TET1: variants seen among roughly 807,000 people sequenced by gnomAD.
The protein encoded by TET1 is tet methylcytosine dioxygenase 1, also known as methylcytosine dioxygenase TET1.
Under a neutral mutation model 148.7 loss-of-function variants are expected in TET1, and 13 were observed. The ratio of observed to expected loss-of-function variants is 0.09; its 90% CI spans 0.06 to 0.14. The LOEUF (loss-of-function observed/expected upper bound fraction) is 0.14. TET1 is among the 10% of genes least tolerant of loss of function. The pLI is 1.00. For synonymous variants in TET1, 907 were observed against 937.2 expected (o/e 0.97, Z 0.59); for missense variants, 2,182 against 2,553.8 (o/e 0.85, Z 3.14).
chr10:68,629,064 A>G (rs537055283), intron 3 of TET1, among the ~76,000 whole-genome samples: 1 of 152,262 alleles, frequency 6.6e-6, no homozygotes, highest in South Asian at 2.1e-4. Flanking sequence ...TATTTTAGTC[A>G]CTAAAAATTT....
chr10:68,638,825 A>T (rs879621126), intron 3 of TET1, among the ~76,000 whole-genome samples: 1 of 149,466 alleles, frequency 6.7e-6, no homozygotes, highest in Non-Finnish European at 1.5e-5. Context: ...GAGGGGCTAT[A>T]GTCAGATTCT....
chr10:68,653,825 G>C (rs190606255), intron 6 of TET1, among the ~76,000 whole-genome samples: 1 of 152,048 alleles, frequency 6.6e-6, no homozygotes, highest in South Asian at 2.1e-4. Flanking sequence ...GTGGGTTGTC[G>C]GCCCAGCACG....
chr10:68,682,093 CTTTTTTTTT>C (rs386371716), intron 9 of TET1, among the ~76,000 whole-genome samples: 15 of 67,074 alleles, frequency 2.2e-4, no homozygotes, highest in Admixed American at 2.1e-3. Context: ...TTGATCTACT[CTTTTTTTTT>C]TTTTTTTTTT....
intron 6 of TET1, among the ~76,000 whole-genome samples, chr10:68,654,039 A>G (rs1977827): frequency 0.14 from 20,879 of 144,858 alleles, 1,570 homozygotes; most frequent in South Asian, 0.19. Context: ...CCCAGGAGGC[A>G]GAGGTTGTAG....
At chr10:68,659,849 T>C (rs1208502984) in intron 6 of TET1, among the ~76,000 whole-genome samples, 2 of 152,200 alleles carry the variant, frequency 1.3e-5, no homozygotes, top group Non-Finnish European at 2.9e-5. Context: ...ATCAAGACAT[T>C]ACCAAAACTT....
chr10:68,673,935 C>CTTTTTTTTTTTTTTTTTTTTT (rs11381293), intron 8 of TET1, among the ~76,000 whole-genome samples: 5 of 120,274 alleles, frequency 4.2e-5, no homozygotes, highest in African/African-American at 1.2e-4. Flanking sequence ...CTTTCTTTTT[C>CTTTTTTTTTTTTTTTTTTTTT]TTTTTTTTTT....
intron 3 of TET1, among the ~76,000 whole-genome samples, chr10:68,642,916 T>G (rs1279319424): frequency 6.6e-6 from 1 of 152,136 alleles, no homozygotes; most frequent in Non-Finnish European, 1.5e-5. Context: ...TATTGTACAC[T>G]TTGCAACTGT....
chr10:68,661,353 T>G (rs2055111765), intron 6 of TET1, among the ~76,000 whole-genome samples: 7 of 151,710 alleles, frequency 4.6e-5, no homozygotes, highest in Admixed American at 4.6e-4. Context: ...CAGCCTCTAA[T>G]ATTAGTTTTT....
At chr10:68,580,629 A>C (rs2053783173) in intron 2 of TET1, among the ~76,000 whole-genome samples, 1 of 151,332 alleles carries the variant, frequency 6.6e-6, no homozygotes, top group African/African-American at 2.4e-5. Context: ...AAATTCAAAA[A>C]AAATTAGCCG....
intron 6 of TET1, among the ~76,000 whole-genome samples, chr10:68,664,493 C>T (rs865904851): frequency 6.7e-6 from 1 of 150,262 alleles, no homozygotes; most frequent in East Asian, 2.0e-4. Flanking sequence ...ACTGCAACCT[C>T]GGCTCCCGCC....
chr10:68,683,380 G>A (rs2055463377), intron 10 of TET1, among the ~76,000 whole-genome samples: 1 of 152,178 alleles, frequency 6.6e-6, no homozygotes, highest in African/African-American at 2.4e-5. Context: ...CTGGGTTCAC[G>A]CCATTCTCCT....
At chr10:68,690,452 C>CA (rs2055574091) in intron 11 of TET1, among the ~76,000 whole-genome samples, 1 of 152,028 alleles carries the variant, frequency 6.6e-6, no homozygotes, top group Non-Finnish European at 1.5e-5. Context: ...CTAAAAAATA[C>CA]AAAAAATTAG....
chr10:68,632,469 A>G (rs188426629), intron 3 of TET1: 3 of 1,612,804 alleles, frequency 1.9e-6, no homozygotes, highest in East Asian at 4.5e-5. Flanking sequence ...CCCGGCATTC[A>G]ATATTGTATG....
At chr10:68,618,097 C>A (rs2054321280) in intron 3 of TET1, among the ~76,000 whole-genome samples, 1 of 151,884 alleles carries the variant, frequency 6.6e-6, no homozygotes, top group Non-Finnish European at 1.5e-5. Flanking sequence ...GTGGGGAGGG[C>A]ATAGCAATGG....
In TET1 at chr10:68,686,526, C is replaced by CA. The variant is rs2133234853; in HGVS notation, c.5230dup (p.Arg1744LysfsTer26). ...CCATCGAGGTCCTGGCACCCCGCCG[C>CA]AAAAAAAGAACGTGTTTCACTCAGC... is the stretch of plus-strand genomic sequence containing the variant. On this transcript the variant is annotated frameshift_variant, in exon 11 of 12. Transcript: ENST00000373644. LOFTEE classifies it high-confidence loss of function. 1 of 1,613,918 alleles carries CA rather than the reference C, an allele frequency of 6.2e-7. No homozygotes were observed. Among genetic ancestry groups the CA allele is most frequent in the Non-Finnish European group, 8.5e-7 (1 of 1,180,000 alleles).
chr10:68,641,408 C>A (rs2054751880), intron 3 of TET1, among the ~76,000 whole-genome samples: 1 of 152,024 alleles, frequency 6.6e-6, no homozygotes, highest in Non-Finnish European at 1.5e-5. Flanking sequence ...TGTTTGTGAC[C>A]TAGGCCAGTT....
chr10:68,685,479 C>T (rs1019559738), intron 10 of TET1, among the ~76,000 whole-genome samples: 1 of 151,972 alleles, frequency 6.6e-6, no homozygotes, highest in Non-Finnish European at 1.5e-5. Context: ...TTTGGCTGGG[C>T]CCAGTGGCTC....
At chr10:68,637,362 T>G (rs1463722721) in intron 3 of TET1, among the ~76,000 whole-genome samples, 1 of 152,058 alleles carries the variant, frequency 6.6e-6, no homozygotes, top group Admixed American at 6.6e-5. Flanking sequence ...AATTAGTTCA[T>G]TTCACTTCTT....
chr10:68,626,110 G>GAAAAGAAAAGA (rs2054476695), intron 3 of TET1, among the ~76,000 whole-genome samples: 4 of 102,338 alleles, frequency 3.9e-5, no homozygotes, highest in African/African-American at 1.4e-4. Flanking sequence ...AAAAAAAAAA[G>GAAAAGAAAAGA]AAAAGAAAAA....
Sources: allele counts gnomAD v4.1 joint callset (sites outside exome capture counted in the v4.1 genomes callset), GRCh38; gene constraint gnomAD v4.1.1; transcripts MANE v1.5; gene names NCBI Gene and HGNC (gene_info 2026-07-23, HGNC 2026-07-21).